The following PYY variants were observed in gnomAD, a reference collection of about 807,000 sequenced individuals.
PYY encodes peptide tyrosine tyrosine.
PYY carries 12 observed loss-of-function variants against 10.3 expected under a neutral mutation model. The observed-to-expected ratio is 1.17, with a 90% CI of 0.75 to 1.89. The LOEUF (loss-of-function observed/expected upper bound fraction) is 1.89, where lower values mean the gene tolerates loss of function less well. Among genes scored for constraint, PYY ranks in the 40% most tolerant of loss-of-function variants. The probability of loss-of-function intolerance (pLI) is 0.00; values close to 1 mark genes in which losing one functional copy is unlikely to be tolerated. For missense variants in PYY, 141 were observed against 134.0 expected, an observed-to-expected ratio of 1.05 and a Z score of -0.26; for synonymous variants, 66 against 62.0, an observed-to-expected ratio of 1.06 and a Z score of -0.30.
At chr17:43,963,392 C>T (rs200587541) in intron 2 of PYY, among the ~76,000 whole-genome samples, 1 of 151,194 alleles carries the variant, frequency 6.6e-6, no homozygotes, top group East Asian at 1.9e-4. Context: ...CCTGTAATCC[C>T]AGCTACTCAG....
chr17:43,975,671 A>G (rs2143926433), intron 1 of PYY, among the ~76,000 whole-genome samples: 2 of 150,524 alleles, frequency 1.3e-5, no homozygotes, highest in South Asian at 4.2e-4. Flanking sequence ...GTGAGCCGAG[A>G]TCATACCACT....
At chr17:44,001,938 G>A (rs1165106850) in intron 1 of PYY, among the ~76,000 whole-genome samples, 1 of 152,182 alleles carries the variant, frequency 6.6e-6, no homozygotes, top group African/African-American at 2.4e-5. Flanking sequence ...AAGGAGTTTG[G>A]AGAGGAAAAC....
intron 2 of PYY, among the ~76,000 whole-genome samples, chr17:43,960,760 G>A (rs1159962724): frequency 2.7e-5 from 4 of 149,912 alleles, no homozygotes; most frequent in Admixed American, 6.8e-5. Context: ...TGAGGCAGCA[G>A]AATTGCTTGA....
intron 2 of PYY, among the ~76,000 whole-genome samples, chr17:43,965,611 G>A (rs1346201154): frequency 6.6e-6 from 1 of 151,606 alleles, no homozygotes; most frequent in Non-Finnish European, 1.5e-5. Context: ...CCAACATGGT[G>A]AAACCCCGTC....
At chr17:43,991,218 T>A (rs1319923835) in intron 1 of PYY, among the ~76,000 whole-genome samples, 1 of 151,600 alleles carries the variant, frequency 6.6e-6, no homozygotes, top group Non-Finnish European at 1.5e-5. Flanking sequence ...TCACCTGAGG[T>A]CAGGAGTTCG....
chr17:43,987,671 C>T lies in PYY; in HGVS notation c.-463+16720G>A, dbSNP rs890285367. On this transcript the variant is annotated intron_variant, in intron 1 of 6. Coordinates refer to the PYY transcript ENST00000360085. This position sits in a 1 kb window ranked among gnomAD's most constrained non-coding sequence, Gnocchi z 4.0. ...CATTTCTTCCCTTTGTTCATCCAAC[C>T]AACATTCACTGGGCCCCTCGTCTGT... is the stretch of plus-strand genomic sequence containing the variant. Among the ~76,000 whole-genome samples, 8 of 152,244 alleles carry T rather than the reference C, an allele frequency of 5.3e-5. No homozygotes were observed. The highest frequency in any genetic ancestry group is 2.6e-4 in the Admixed American group (4 of 15,288).
chr17:43,953,021 A>G, intron 3 of PYY, 41 bp from the exon 4 acceptor site: 3 of 1,586,286 alleles, frequency 1.9e-6, no homozygotes, highest in Non-Finnish European at 2.6e-6. Context: ...TGGGGAGGCG[A>G]GCCTGGGAGA....
intron 1 of PYY, among the ~76,000 whole-genome samples, chr17:43,971,168 A>G (rs1487187976): frequency 1.3e-5 from 2 of 152,120 alleles, no homozygotes; most frequent in African/African-American, 2.4e-5. Flanking sequence ...CCCACCATCA[A>G]TGGACAAGAG....
At chr17:43,972,631 C>T (rs964012569) in intron 1 of PYY, among the ~76,000 whole-genome samples, 1 of 152,034 alleles carries the variant, frequency 6.6e-6, no homozygotes, top group African/African-American at 2.4e-5. Flanking sequence ...TGAGCTCAAA[C>T]GATCTTCCCA....
chr17:43,984,649 G>A (rs2048904797), intron 1 of PYY, among the ~76,000 whole-genome samples: 1 of 152,142 alleles, frequency 6.6e-6, no homozygotes, highest in African/African-American at 2.4e-5. Flanking sequence ...TGCCTCCTAA[G>A]ACACCAGCGT....
At chr17:43,981,281 A>G (rs186454049) in intron 1 of PYY, among the ~76,000 whole-genome samples, 1 of 152,174 alleles carries the variant, frequency 6.6e-6, no homozygotes, top group Non-Finnish European at 1.5e-5. Flanking sequence ...GTTGCACTTT[A>G]GCAGATATGG....
intron 1 of PYY, among the ~76,000 whole-genome samples, chr17:43,976,656 C>T (rs1399276378): frequency 2.0e-5 from 3 of 152,200 alleles, no homozygotes; most frequent in East Asian, 3.9e-4. Flanking sequence ...CCTGTAGTCC[C>T]AGCTACTCAG....
chr17:43,992,115 G>A (rs1165800882), intron 1 of PYY, among the ~76,000 whole-genome samples: 1 of 89,526 alleles, frequency 1.1e-5, no homozygotes, highest in Non-Finnish European at 2.1e-5. Context: ...GCAAGACTCT[G>A]TCTCAAAGAA....
At chr17:44,004,041 A>T (rs943585863) in intron 1 of PYY, among the ~76,000 whole-genome samples, 1 of 152,156 alleles carries the variant, frequency 6.6e-6, no homozygotes. Context: ...ACCAGATGTG[A>T]TATTCGATAA....
Position 43,952,845 on chromosome 17 carries a change from C to G in PYY, c.*111G>C, listed in dbSNP as rs993688895. 2.4e-5 allele frequency: 31 copies of G among 1,289,284 alleles called. No homozygotes were observed. Among genetic ancestry groups the G allele is most frequent in the Non-Finnish European group, 3.1e-5 (29 of 950,746 alleles). 79.9% of individuals were successfully genotyped at this position (1,289,284 alleles called of 1,614,324 possible). ...CGCGGGCGGAGGGCCGCACCCGAAC[C>G]CTGCCCAGACGCCGCCGTCGGGAGG... On this transcript the variant is annotated 3_prime_UTR_variant, in exon 4 of 4. Coordinates refer to ENST00000692052, the MANE Select transcript of PYY (RefSeq NM_001394028.1).
At chr17:43,964,621 A>G (rs1282902950) in intron 2 of PYY, among the ~76,000 whole-genome samples, 2 of 152,294 alleles carry the variant, frequency 1.3e-5, no homozygotes, top group East Asian at 3.9e-4. Flanking sequence ...ATGGTGGCGC[A>G]TGCCTGTAAT....
chr17:43,971,837 T>C (rs1177838815), intron 1 of PYY, among the ~76,000 whole-genome samples: 1 of 152,152 alleles, frequency 6.6e-6, no homozygotes, highest in Non-Finnish European at 1.5e-5. Flanking sequence ...CTGTCTTTCA[T>C]AGAACAAAAG....
intron 1 of PYY, among the ~76,000 whole-genome samples, chr17:43,972,606 G>A (rs1429004272): frequency 1.3e-5 from 2 of 151,826 alleles, no homozygotes; most frequent in Non-Finnish European, 2.9e-5. Context: ...ATAGCTCACT[G>A]TAACCTTGAA....
At chr17:43,960,693 C>CA (rs372605111) in intron 2 of PYY, among the ~76,000 whole-genome samples, 1 of 146,658 alleles carries the variant, frequency 6.8e-6, no homozygotes, top group Non-Finnish European at 1.5e-5. Context: ...ACCAAAAATA[C>CA]AAAAAAATTA....
Sources: gnomAD v4.1 joint callset for allele counts (sites outside exome capture counted in the v4.1 genomes callset) on GRCh38, gnomAD v4.1.1 for gene constraint, Gnocchi (gnomAD v3.1) non-coding constraint, MANE v1.5 for transcripts, NCBI Gene and HGNC (gene_info 2026-07-23, HGNC 2026-07-21) for gene names.